Variants in DCC observed in about 807,000 individuals in gnomAD.
The protein encoded by DCC is netrin receptor DCC.
Under a neutral mutation model 172.5 loss-of-function variants are expected in DCC, and 58 were observed. The ratio of observed to expected loss-of-function variants is 0.34; its 90% CI spans 0.27 to 0.42. DCC has a LOEUF of 0.42. DCC is among the 10% of genes least tolerant of loss of function. The pLI is 1.00. For missense variants in DCC, 1,740 were observed against 1,791.0 expected (o/e 0.97, Z 0.51); for synonymous variants, 709 against 644.5 (o/e 1.10, Z -1.52).
At chr18:53,300,553 C>G (rs1010370183) in intron 12 of DCC, among the ~76,000 whole-genome samples, 4 of 152,092 alleles carry the variant, frequency 2.6e-5, no homozygotes, top group Non-Finnish European at 5.9e-5. Context: ...AAAGAGTTGA[C>G]AATACTGTCA....
chr18:53,205,707 A>G (rs1474285922), intron 10 of DCC, among the ~76,000 whole-genome samples: 3 of 152,276 alleles, frequency 2.0e-5, no homozygotes, highest in South Asian at 2.1e-4. Context: ...TCCTTAGACT[A>G]AGGGGTGATT....
chr18:52,486,141 C>T lies in DCC; in HGVS notation c.91+145263C>T, dbSNP rs527369037. On this transcript the variant is annotated intron_variant, in intron 1 of 28. Coordinates refer to ENST00000442544, the MANE Select transcript of DCC (RefSeq NM_005215.4). ...TCCTGAGTAGCGATATTTATTTTAT[C>T]GCCTTATTTTTCAAGATTATAGATA... 3.3e-5 allele frequency among the ~76,000 whole-genome samples: 5 copies of T among 152,106 alleles called. No homozygotes were observed. In the East Asian group the frequency reaches 9.7e-4, roughly 29 times the overall value.
chr18:53,385,516 G>A (rs557284998), intron 15 of DCC, among the ~76,000 whole-genome samples: 37 of 152,218 alleles, frequency 2.4e-4, no homozygotes, highest in African/African-American at 8.4e-4. Context: ...TCTTACATCA[G>A]TTCACAGGAG....
chr18:53,286,603 C>T (rs975156367), intron 12 of DCC, among the ~76,000 whole-genome samples: 2 of 152,152 alleles, frequency 1.3e-5, no homozygotes. Context: ...TTCTAGATGT[C>T]CTCAGAGGCA....
intron 5 of DCC, among the ~76,000 whole-genome samples, chr18:52,929,574 T>C (rs566257819): frequency 6.6e-6 from 1 of 151,940 alleles, no homozygotes; most frequent in South Asian, 2.1e-4. Flanking sequence ...ACTGCCATAC[T>C]TCGAATCTGT....
At chr18:53,394,593 T>C (rs1465467421) in intron 17 of DCC, among the ~76,000 whole-genome samples, 1 of 152,134 alleles carries the variant, frequency 6.6e-6, no homozygotes, top group Non-Finnish European at 1.5e-5. Context: ...TTACTAGATA[T>C]AATATGGATG....
At chr18:52,692,691 C>T (rs1011877459) in intron 1 of DCC, among the ~76,000 whole-genome samples, 2 of 152,074 alleles carry the variant, frequency 1.3e-5, no homozygotes, top group Non-Finnish European at 2.9e-5. Flanking sequence ...CTTGGTCTCC[C>T]AAAGAATTGG....
intron 1 of DCC, among the ~76,000 whole-genome samples, chr18:52,500,855 T>A (rs543208458): frequency 6.6e-6 from 1 of 152,158 alleles, no homozygotes; most frequent in Admixed American, 6.6e-5. Context: ...TTTCCTCAGC[T>A]GCAAAATGGG....
At chr18:53,251,507 G>T (rs759432903) in intron 12 of DCC, among the ~76,000 whole-genome samples, 6 of 151,902 alleles carry the variant, frequency 3.9e-5, no homozygotes, top group Non-Finnish European at 8.8e-5. Flanking sequence ...TCAAGAACTT[G>T]TCAAATCATA....
chr18:52,395,269 T>C (rs1986179015), intron 1 of DCC, among the ~76,000 whole-genome samples: 1 of 152,082 alleles, frequency 6.6e-6, no homozygotes. Flanking sequence ...GAGGTGTTTA[T>C]TGTGTCTAAA....
At chr18:52,550,190 C>A (rs957804355) in intron 1 of DCC, among the ~76,000 whole-genome samples, 1 of 151,600 alleles carries the variant, frequency 6.6e-6, no homozygotes, top group African/African-American at 2.4e-5. Context: ...CAGAAAAAAA[C>A]CCAAATGAGA....
chr18:53,407,824 G>A (rs549520099), intron 19 of DCC, among the ~76,000 whole-genome samples: 2 of 151,992 alleles, frequency 1.3e-5, no homozygotes, highest in African/African-American at 4.8e-5. Flanking sequence ...AAGAATATGA[G>A]GCAATTTTAT....
At chr18:52,851,898 C>A (rs1320058486) in intron 2 of DCC, among the ~76,000 whole-genome samples, 1 of 152,076 alleles carries the variant, frequency 6.6e-6, no homozygotes, top group Non-Finnish European at 1.5e-5. Flanking sequence ...GACCAGACAC[C>A]AGATAATCAT....
chr18:52,907,144 A>T (rs1282933724), intron 3 of DCC, among the ~76,000 whole-genome samples: 1 of 150,658 alleles, frequency 6.6e-6, no homozygotes, highest in Non-Finnish European at 1.5e-5. Context: ...AAAATTTTAA[A>T]TATATCATAC....
intron 5 of DCC, among the ~76,000 whole-genome samples, chr18:52,946,977 C>T (rs2040557091): frequency 6.7e-6 from 1 of 150,010 alleles, no homozygotes; most frequent in Admixed American, 6.8e-5. Context: ...AATCTGACCA[C>T]CCATCTGCAT....
intron 8 of DCC, among the ~76,000 whole-genome samples, chr18:53,162,107 C>T (rs1330566709): frequency 5.3e-5 from 8 of 151,868 alleles, no homozygotes; most frequent in African/African-American, 1.5e-4. Context: ...GAGACCAGCC[C>T]GGCCAACATA....
intron 7 of DCC, among the ~76,000 whole-genome samples, chr18:53,094,142 G>A (rs996746012): frequency 1.3e-5 from 2 of 152,058 alleles, no homozygotes; most frequent in Admixed American, 6.6e-5. Flanking sequence ...CTTTTCCCAA[G>A]GTATTTTAGG....
intron 7 of DCC, among the ~76,000 whole-genome samples, chr18:53,098,530 G>T (rs1360638588): frequency 6.6e-6 from 1 of 152,148 alleles, no homozygotes; most frequent in South Asian, 2.1e-4. Flanking sequence ...GTTTCGTGAT[G>T]ATTAGACCTA....
Position 53,188,762 on chromosome 18 carries a change from T to C in DCC, c.1573+9646T>C, listed in dbSNP as rs573304266. On this transcript the variant is annotated intron_variant, in intron 9 of 28. Transcript: ENST00000442544. ...GGGCTATATTTCCTCTGAAAATGCTTCAGAAAAATCCTTCCTTGCCTCTTC... is the reference window on the plus strand; with the variant it reads ...GGGCTATATTTCCTCTGAAAATGCTCCAGAAAAATCCTTCCTTGCCTCTTC... Among the ~76,000 whole-genome samples the C allele has an allele frequency of 2.0e-5, 3 of 152,258 alleles. No individual in the cohort carries two copies. The South Asian group carries it at 6.2e-4, about 32-fold the overall frequency.
Sources: gnomAD v4.1 joint callset for allele counts (sites outside exome capture counted in the v4.1 genomes callset) on GRCh38, gnomAD v4.1.1 for gene constraint, MANE v1.5 for transcripts, NCBI Gene and HGNC (gene_info 2026-07-23, HGNC 2026-07-21) for gene names.